Variants in PCYT1B observed in about 807,000 individuals in gnomAD.
PCYT1B encodes the protein choline-phosphate cytidylyltransferase B.
Under a neutral mutation model 26.4 loss-of-function variants are expected in PCYT1B, and 10 were observed. That is an observed-to-expected ratio of 0.38 (90% CI 0.23 to 0.64). The LOEUF (loss-of-function observed/expected upper bound fraction) is 0.64. PCYT1B is among the 30% of genes least tolerant of loss of function. The pLI is 0.56. For missense variants in PCYT1B, 161 were observed against 292.7 expected, an observed-to-expected ratio of 0.55 and a Z score of 3.28; for synonymous variants, 131 against 108.4, an observed-to-expected ratio of 1.21 and a Z score of -1.29.
In PCYT1B at chrX:24,558,311, C is replaced by T. The variant is rs1361560735; in HGVS notation, c.*3982G>A. On this transcript the variant is annotated 3_prime_UTR_variant, in exon 8 of 8. Transcript: ENST00000379144. ...TACAGCATAGTCTTAAGTATGTATG[C>T]TCTACTTATGGCTTTGTCCCTGGAC... 1.8e-5 allele frequency: 2 copies of T among 112,153 alleles called. No individual in the cohort carries two copies. The highest frequency in any genetic ancestry group is 3.8e-5 in the Non-Finnish European group (2 of 53,212). The allele number at this position is 112,153 out of a possible 1,213,427, so 9.2% of individuals were successfully genotyped here. A position where few individuals can be genotyped will look rare whatever the true frequency, so the allele number is the denominator to read the frequency against.
chrX:24,582,126 A>C (rs1404334282), intron 5 of PCYT1B, among the ~76,000 whole-genome samples: 1 of 112,897 alleles, frequency 8.9e-6, no homozygotes, highest in Non-Finnish European at 1.9e-5. Flanking sequence ...GGGAACCCTC[A>C]GACGACATCC....
At chrX:24,595,622 GT>G (rs1569243280) in intron 3 of PCYT1B, among the ~76,000 whole-genome samples, 1 of 111,464 alleles carries the variant, frequency 9.0e-6, no homozygotes, top group Non-Finnish European at 1.9e-5. Context: ...GCTCATGCCT[GT>G]AATCCCAGCA....
chrX:24,631,300 G>A lies in PCYT1B; in HGVS notation c.118-12216C>T, dbSNP rs1373046610. Among the ~76,000 whole-genome samples, 5 of 111,449 alleles carry A rather than the reference G, an allele frequency of 4.5e-5. No individual in the cohort carries two copies. The Admixed American group carries it at 4.8e-4, about 11-fold the overall frequency. ...AACCCCAGCACCAAAAAGCGGTTCA[G>A]AAAAGCATTTTCTTTAAGGGGCCAA... On this transcript the variant is annotated intron_variant, in intron 1 of 7. Transcript: ENST00000379144.
chrX:24,566,009 G>A (rs753830239), intron 7 of PCYT1B, among the ~76,000 whole-genome samples: 3 of 111,393 alleles, frequency 2.7e-5, no homozygotes, highest in Non-Finnish European at 3.8e-5. Context: ...ACTAGTAGTC[G>A]AACAAATGCA....
intron 1 of PCYT1B, among the ~76,000 whole-genome samples, chrX:24,623,091 T>C (rs1470556761): frequency 1.8e-5 from 2 of 110,507 alleles, no homozygotes; most frequent in Non-Finnish European, 3.8e-5. Context: ...AGGAGAGAGA[T>C]AAGAAAGGCA....
intron 7 of PCYT1B, among the ~76,000 whole-genome samples, chrX:24,570,328 A>T (rs907970086): frequency 9.2e-6 from 1 of 108,523 alleles, no homozygotes; most frequent in African/African-American, 3.4e-5. Context: ...ATCTCGAGTC[A>T]TTGCAACCTC....
At chrX:24,669,770 A>G (rs1927200920) in intron 1 of PCYT1B, among the ~76,000 whole-genome samples, 1 of 109,323 alleles carries the variant, frequency 9.1e-6, no homozygotes, top group East Asian at 2.9e-4. Context: ...GCTAGGGCTC[A>G]GTGGCGCATA....
chrX:24,615,965 T>C (rs1013127170), intron 2 of PCYT1B, among the ~76,000 whole-genome samples: 1 of 111,488 alleles, frequency 9.0e-6, no homozygotes, highest in Non-Finnish European at 1.9e-5. Flanking sequence ...ATTCCAGCTC[T>C]ACCCAGTCAA....
intron 2 of PCYT1B, among the ~76,000 whole-genome samples, chrX:24,616,347 C>G (rs1424802841): frequency 9.2e-6 from 1 of 108,197 alleles, no homozygotes; most frequent in African/African-American, 3.4e-5. Context: ...AAGCGTTTCT[C>G]CTGCCTCAGC....
chrX:24,598,484 TAC>T (rs34181498), intron 3 of PCYT1B, among the ~76,000 whole-genome samples: 239 of 100,931 alleles, frequency 2.4e-3, no homozygotes, highest in South Asian at 0.013. Context: ...GATATATATA[TAC>T]ACACACACAC....
At chrX:24,642,003 T>A (rs2148270840) in intron 1 of PCYT1B, among the ~76,000 whole-genome samples, 1 of 112,792 alleles carries the variant, frequency 8.9e-6, no homozygotes, top group South Asian at 3.7e-4. Context: ...GGGGATTGGG[T>A]TAACAGAGTC....
intron 1 of PCYT1B, among the ~76,000 whole-genome samples, chrX:24,664,696 GC>G (rs1354770008): frequency 1.3e-4 from 15 of 112,311 alleles, no homozygotes; most frequent in African/African-American, 4.5e-4. Context: ...AGTGGCTCAC[GC>G]CTGTAATCCC....
chrX:24,647,938 C>CA (rs1926681578), upstream of PCYT1B, among the ~76,000 whole-genome samples: 1 of 112,252 alleles, frequency 8.9e-6, no homozygotes, highest in Non-Finnish European at 1.9e-5. Flanking sequence ...CTCCTGGCTG[C>CA]CCTTTCGCAG....
chrX:24,615,155 A>C (rs960712944), intron 2 of PCYT1B, among the ~76,000 whole-genome samples: 1 of 111,885 alleles, frequency 8.9e-6, no homozygotes, highest in African/African-American at 3.2e-5. Flanking sequence ...AATTTCTAAC[A>C]CAAGTACCCT....
chrX:24,628,801 T>C (rs1391246957), intron 1 of PCYT1B, among the ~76,000 whole-genome samples: 1 of 112,313 alleles, frequency 8.9e-6, no homozygotes, highest in Non-Finnish European at 1.9e-5. Flanking sequence ...TTAAATTATT[T>C]ATACTTTACT....
intron 1 of PCYT1B, among the ~76,000 whole-genome samples, chrX:24,665,852 C>G (rs1354309711): frequency 9.0e-6 from 1 of 110,871 alleles, no homozygotes; most frequent in Non-Finnish European, 1.9e-5. Context: ...ACAAGTCTTA[C>G]CTATCTCTCT....
intron 2 of PCYT1B, among the ~76,000 whole-genome samples, chrX:24,612,560 G>A (rs1336179198): frequency 8.9e-6 from 1 of 111,812 alleles, no homozygotes; most frequent in Non-Finnish European, 1.9e-5. Flanking sequence ...TAGTCATTAG[G>A]GAAATACAAA....
At chrX:24,611,433 G>A in intron 2 of PCYT1B, among the ~76,000 whole-genome samples, 1 of 111,535 alleles carries the variant, frequency 9.0e-6, no homozygotes, top group Middle Eastern at 4.6e-3. Context: ...CCACTGACCT[G>A]TGAAGCTGGA....
intron 1 of PCYT1B, among the ~76,000 whole-genome samples, chrX:24,656,812 G>A (rs12862396): frequency 0.5 from 54,237 of 109,160 alleles, 10,401 homozygotes; most frequent in East Asian, 0.69. Flanking sequence ...GATTACAGGC[G>A]TGAGCCACTG....
Sources: allele counts gnomAD v4.1 joint callset (sites outside exome capture counted in the v4.1 genomes callset), GRCh38; gene constraint gnomAD v4.1.1; transcripts MANE v1.5; gene names NCBI Gene and HGNC (gene_info 2026-07-23, HGNC 2026-07-21).